Variants in COL4A4 observed in about 807,000 individuals in gnomAD.
COL4A4 encodes collagen alpha-4(IV) chain.
In COL4A4, 105 loss-of-function variants were observed where a neutral mutation model predicts 192.9. The ratio of observed to expected loss-of-function variants is 0.54; its 90% confidence interval spans 0.46 to 0.64. COL4A4 has a LOEUF of 0.64. COL4A4 is among the 30% of genes least tolerant of loss of function. The probability of loss-of-function intolerance (pLI) is 0.00; values close to 1 mark genes in which losing one functional copy is unlikely to be tolerated. For synonymous variants in COL4A4, 762 were observed against 769.9 expected (o/e 0.99, Z 0.17); for missense variants, 1,967 against 2,169.3 (o/e 0.91, Z 1.85).
Position 227,124,407 on chromosome 2 carries a change from C to T in COL4A4, c.193-3259G>A, listed in dbSNP as rs985805651. On this transcript the variant is annotated intron_variant, in intron 4 of 47. Transcript: ENST00000396625. Reference sequence around the variant, plus strand: ...AAGATTAGTTACCACTTCTTGCTCACCATTAAGTCATTAACTCGACAAACA... The same window carrying T: ...AAGATTAGTTACCACTTCTTGCTCATCATTAAGTCATTAACTCGACAAACA... 2.6e-5 allele frequency among the ~76,000 whole-genome samples: 4 copies of T among 152,324 alleles called. 1 individual carries two copies. In the South Asian group the frequency reaches 8.3e-4, roughly 32 times the overall value.
rs1311247800 is a variant in COL4A4 at position 227,006,766 on chromosome 2, TTTTC to T, written c.*555_*558del. The T allele has an allele frequency of 1.3e-5, 2 of 156,512 alleles. No individual in the cohort carries two copies. The highest frequency in any genetic ancestry group is 2.8e-5 in the Non-Finnish European group (2 of 70,658). The allele number at this position is 156,512 out of a possible 1,614,324, so 9.7% of individuals were successfully genotyped here. ...TAACGCTGGCAGTGTGAATTTTTTT[TTTTC>T]TTCTTTAAAAAAAAATCTCTCTTTG... On this transcript the variant is annotated 3_prime_UTR_variant, in exon 48 of 48. Transcript: ENST00000396625.
intron 3 of COL4A4, among the ~76,000 whole-genome samples, chr2:227,143,953 C>T (rs974485347): frequency 6.6e-6 from 1 of 152,226 alleles, no homozygotes; most frequent in Non-Finnish European, 1.5e-5. Flanking sequence ...CCTACAATAA[C>T]TTGATTCACT....
intron 37 of COL4A4, among the ~76,000 whole-genome samples, chr2:227,037,262 T>C (rs1467378056): frequency 6.6e-6 from 1 of 152,156 alleles, no homozygotes; most frequent in Non-Finnish European, 1.5e-5. Context: ...CAGGCCCCAG[T>C]GTGTGATATT....
At chr2:226,988,489 C>G in the COL4A4 span, 1 of 1,540,440 alleles carries the variant, frequency 6.5e-7, no homozygotes. Context: ...TGGAGTTGAG[C>G]AAAGACTCAG....
chr2:227,084,894 G>A (rs2059507356), intron 22 of COL4A4, among the ~76,000 whole-genome samples: 1 of 152,172 alleles, frequency 6.6e-6, no homozygotes. Context: ...CACTTTGGGA[G>A]GCTGAAGTGG....
At chr2:227,091,958 C>T (rs2059963804) in intron 20 of COL4A4, among the ~76,000 whole-genome samples, 1 of 151,296 alleles carries the variant, frequency 6.6e-6, no homozygotes, top group Non-Finnish European at 1.5e-5. Flanking sequence ...AAAGACATGA[C>T]ATGAAAGCTA....
At chr2:227,097,471 A>T (rs1216615156) in intron 19 of COL4A4, among the ~76,000 whole-genome samples, 2 of 152,202 alleles carry the variant, frequency 1.3e-5, no homozygotes, top group Non-Finnish European at 2.9e-5. Context: ...CATAGTCAAG[A>T]TTTGAAAGCT....
intron 24 of COL4A4, 135 bp downstream of exon 24, chr2:227,080,308 C>A (rs975156398): frequency 3.6e-6 from 3 of 830,052 alleles, no homozygotes; most frequent in Admixed American, 1.8e-5. Context: ...TGTCAGGGTG[C>A]CAAAAGTGAC....
In COL4A4 at chr2:227,140,914, CA is replaced by C. The variant is rs1559725888; in HGVS notation, c.115-677del. Among the ~76,000 whole-genome samples, 987 of 151,034 alleles carry C rather than the reference CA, an allele frequency of 6.5e-3. 12 individuals are homozygous for C. Among genetic ancestry groups the C allele is most frequent in the African/African-American group, 0.023 (939 of 40,718 alleles). ...ACACACACACACACACACACACACA[CA>C]CACACACCCTTTAGGAAGAATCAGC... On this transcript the variant is annotated intron_variant, in intron 3 of 47. Transcript: ENST00000396625.
At chr2:227,022,523 T>G in intron 43 of COL4A4, 1 of 552,912 alleles carries the variant, frequency 1.8e-6, no homozygotes, top group South Asian at 1.4e-5. Context: ...CATTTTTTAC[T>G]GGAGTAGCAG....
At chr2:227,078,825 A>G (rs77522101) in intron 24 of COL4A4, among the ~76,000 whole-genome samples, 3,577 of 152,298 alleles carry the variant, frequency 0.023, 137 homozygotes, top group African/African-American at 0.081. Flanking sequence ...CTCCTCTTGC[A>G]TGACAATTTG....
chr2:227,107,383 CCT>C (rs542552777), intron 12 of COL4A4, among the ~76,000 whole-genome samples: 225 of 152,166 alleles, frequency 1.5e-3, no homozygotes, highest in African/African-American at 4.4e-3. Context: ...TTGAGAAATC[CCT>C]CTCTGTGTAT....
At position 227,005,383 on chromosome 2, in the gene COL4A4, TTGA is replaced by T. The variant is rs1961879709; in HGVS notation, c.*1939_*1941del. On this transcript the variant is annotated 3_prime_UTR_variant, in exon 48 of 48. Coordinates refer to ENST00000396625, the MANE Select transcript of COL4A4 (RefSeq NM_000092.5). ...TGAACAGGTTGAACTTTTAGGAGGG[TTGA>T]CTTTTGGTAATAGATAAAGCTTTTT... 1 of 152,076 alleles carries T rather than the reference TTGA, an allele frequency of 6.6e-6. No individual in the cohort carries two copies. Among genetic ancestry groups the T allele is most frequent in the Non-Finnish European group, 1.5e-5 (1 of 68,014 alleles). The allele number at this position is 152,076 out of a possible 1,614,324, so 9.4% of individuals were successfully genotyped here.
intron 17 of COL4A4, among the ~76,000 whole-genome samples, chr2:227,100,155 T>C (rs1273636361): frequency 6.6e-6 from 1 of 151,620 alleles, no homozygotes; most frequent in East Asian, 2.0e-4. Context: ...CCCTTGCACA[T>C]GCTGAGCAAG....
chr2:227,148,353 A>G (rs2063690979), intron 1 of COL4A4, among the ~76,000 whole-genome samples: 1 of 152,260 alleles, frequency 6.6e-6, no homozygotes, highest in African/African-American at 2.4e-5. Context: ...TATGTGCTAC[A>G]GCATGAATGA....
chr2:227,007,405 G>C lies in COL4A4; in HGVS notation c.4993C>G (p.Pro1665Ala). 2 of 1,614,236 alleles carry C rather than the reference G, an allele frequency of 1.2e-6. No homozygotes were observed. The highest frequency in any genetic ancestry group is 1.7e-6 in the Non-Finnish European group (2 of 1,180,050). Residue 1665 changes from proline to alanine, a missense_variant, in exon 48 of 48, where the codon CCA becomes GCA. Pro to Ala is a conservative substitution (Grantham distance 27, BLOSUM62 -1). Coordinates refer to ENST00000396625, the MANE Select transcript of COL4A4 (RefSeq NM_000092.5). ...CTTTCTTTTAAGGTGTCTGGTGCTG[G>C]AGCAGAGGAAAACTGCAAGTCTGCT... ...VKADLQFSSA[P>A]APDTLKESQA...
Position 227,006,944 on chromosome 2 carries a change from T to G in COL4A4, c.*381A>C. 1 of 300,524 alleles carries G rather than the reference T, an allele frequency of 3.3e-6. No homozygotes were observed. The highest frequency in any genetic ancestry group is 6.4e-6 in the Non-Finnish European group (1 of 155,052). 18.6% of individuals were successfully genotyped at this position (300,524 alleles called of 1,614,324 possible). On this transcript the variant is annotated 3_prime_UTR_variant, in exon 48 of 48. Transcript: ENST00000396625. ...ATCCATCCAGAAGCCCACTGTATTA[T>G]AGAGTAATTGACTTCAATTGTTTGA...
chr2:227,118,325 TC>T (rs1365758624), intron 7 of COL4A4, among the ~76,000 whole-genome samples: 1 of 152,200 alleles, frequency 6.6e-6, no homozygotes, highest in African/African-American at 2.4e-5. Context: ...TGCTCTTTTT[TC>T]CCTACTATCT....
At chr2:227,067,604 C>T (rs1461228723) in intron 25 of COL4A4, among the ~76,000 whole-genome samples, 1 of 152,136 alleles carries the variant, frequency 6.6e-6, no homozygotes, top group African/African-American at 2.4e-5. Context: ...GAACAACCTG[C>T]TCCTGAATGA....
Sources: allele counts gnomAD v4.1 joint callset (sites outside exome capture counted in the v4.1 genomes callset), GRCh38; gene constraint gnomAD v4.1.1; transcripts MANE v1.5; gene names NCBI Gene and HGNC (gene_info 2026-07-23, HGNC 2026-07-21).